Variants in RPL19 observed in about 807,000 individuals in gnomAD.
RPL19 encodes the protein large ribosomal subunit protein eL19.
In RPL19, 2 loss-of-function variants were observed where a neutral mutation model predicts 25.1. That is an observed-to-expected ratio of 0.08 (90% CI 0.03 to 0.25). RPL19 has a LOEUF of 0.25. Among genes scored for constraint, RPL19 ranks in the 10% least tolerant of loss-of-function variants. The pLI is 1.00. For missense variants in RPL19, 123 were observed against 271.8 expected (o/e 0.45, Z 3.85); for synonymous variants, 89 against 91.2 (o/e 0.98, Z 0.14).
Position 39,201,207 on chromosome 17 carries a change from G to T in RPL19, c.6-6G>T, listed in dbSNP as rs1567821295. 6.3e-7 allele frequency: 1 copy of T among 1,596,034 alleles called. No homozygotes were observed. The highest frequency in any genetic ancestry group is 2.2e-5 in the East Asian group (1 of 44,794). ...CAGAGTCTAATCATGTTTTCTGTGT[G>T]TCTAGTATGCTCAGGCTTCAGAAGA... On this transcript the variant is annotated splice_polypyrimidine_tract_variant and splice_region_variant and intron_variant, in intron 1 of 5. Transcript: ENST00000225430.
chr17:39,203,154 G>A (rs1362506093), intron 4 of RPL19, 45 bp downstream of exon 4: 1 of 1,332,072 alleles, frequency 7.5e-7, no homozygotes, highest in South Asian at 1.3e-5. Flanking sequence ...CTGCTTTGAT[G>A]GCTAGTTCAT....
chr17:39,200,902 C>T (rs551341901), intron 1 of RPL19, among the ~76,000 whole-genome samples: 1 of 152,196 alleles, frequency 6.6e-6, no homozygotes, highest in East Asian at 1.9e-4. Flanking sequence ...CAGGTCTACT[C>T]ACCTCGAATA....
chr17:39,204,444 G>T, intron 5 of RPL19, 81 bp from the exon 6 acceptor site: 1 of 1,535,248 alleles, frequency 6.5e-7, no homozygotes, highest in East Asian at 2.3e-5. Context: ...GGCTCAAAGG[G>T]AGAGGTCTGG....
chr17:39,202,658 A>G (rs1245033424), intron 3 of RPL19: 1 of 617,114 alleles, frequency 1.6e-6, no homozygotes, highest in Non-Finnish European at 2.8e-6. Context: ...TACCTACACT[A>G]TGCCAAGGAT....
At position 39,200,359 on chromosome 17, in the gene RPL19, A is replaced by T; in HGVS notation, c.5+10A>T. 6.4e-7 allele frequency: 1 copy of T among 1,566,930 alleles called. No individual in the cohort carries two copies. The highest frequency in any genetic ancestry group is 8.6e-7 in the Non-Finnish European group (1 of 1,158,600). ...CGGCCGCAGCCATGAGGTGAGGGCG[A>T]GCTGGTCTCCATCAGGCGCTGACGC... On this transcript the variant is annotated intron_variant, in intron 1 of 5. Transcript: ENST00000225430.
intron 4 of RPL19, among the ~76,000 whole-genome samples, chr17:39,203,466 C>A (rs2046304440): frequency 6.6e-6 from 1 of 150,990 alleles, no homozygotes; most frequent in African/African-American, 2.4e-5. Flanking sequence ...TAGGCATGAG[C>A]CACCACGCGT....
rs1047778989 is a variant in RPL19, at chr17:39,200,659, C to T, written c.5+310C>T. The stretch of plus-strand genomic sequence containing the variant: ...AAGCCGTGGGCCCTTTCTTGCTTGG[C>T]ACACCCGGAGCGGAGCCGATCTCTG... On this transcript the variant is annotated intron_variant, in intron 1 of 5. Coordinates refer to ENST00000225430, the MANE Select transcript of RPL19 (RefSeq NM_000981.4). 3.5e-5 allele frequency: 40 copies of T among 1,149,328 alleles called. No homozygotes were observed. The African/African-American group carries it at 4.2e-4, about 12-fold the overall frequency. The allele number at this position is 1,149,328 out of a possible 1,614,324, so 71.2% of individuals were successfully genotyped here.
chr17:39,204,662 G>T lies in RPL19; in HGVS notation c.*14G>T, dbSNP rs1386521686. 21 of 1,612,720 alleles carry T rather than the reference G, an allele frequency of 1.3e-5. No homozygotes were observed. The highest frequency in any genetic ancestry group is 1.6e-5 in the Non-Finnish European group (19 of 1,179,268). ...ACCAAGAAATAAAACCTCCCACTTT[G>T]TCTGTACATACTGGCCTCTGTGATT... On this transcript the variant is annotated 3_prime_UTR_variant, in exon 6 of 6. Coordinates refer to ENST00000225430, the MANE Select transcript of RPL19 (RefSeq NM_000981.4).
chr17:39,204,310 G>T (rs2046309986), intron 5 of RPL19, 123 bp downstream of exon 5: 1 of 829,162 alleles, frequency 1.2e-6, no homozygotes, highest in Non-Finnish European at 2.0e-6. Context: ...GAATACAGCT[G>T]TTCCCTTAGA....
chr17:39,200,478 G>A lies in RPL19; in HGVS notation c.5+129G>A, dbSNP rs34196169. 9,434 of 1,328,810 alleles carry A rather than the reference G, an allele frequency of 7.1e-3. 555 individuals carry two copies. In the African/African-American group the frequency reaches 0.13, roughly 18 times the overall value. The allele number at this position is 1,328,810 out of a possible 1,614,324, so 82.3% of individuals were successfully genotyped here. A position where few individuals can be genotyped will look rare whatever the true frequency, so the allele number is the denominator to read the frequency against. On this transcript the variant is annotated intron_variant, in intron 1 of 5. Coordinates refer to ENST00000225430, the MANE Select transcript of RPL19 (RefSeq NM_000981.4). ...TAAAGCGGCCGGTCCCGGGGTTTGG[G>A]GTAGGCCGGAGCACTTTCGTCCCGG...
intron 4 of RPL19, 151 bp downstream of exon 4, chr17:39,203,260 C>A (rs1452951231): frequency 1.3e-6 from 1 of 753,692 alleles, no homozygotes; most frequent in Non-Finnish European, 2.1e-6. Flanking sequence ...CAGCTCACTA[C>A]AACCTCTACC....
intron 3 of RPL19, chr17:39,202,715 G>A (rs1387261254): frequency 2.2e-5 from 13 of 589,212 alleles, no homozygotes; most frequent in South Asian, 4.2e-5. Flanking sequence ...TCCTTACAAC[G>A]TGCTGTGTTG....
intron 3 of RPL19, 55 bp from the exon 4 acceptor site, chr17:39,202,934 A>G: frequency 1.9e-6 from 3 of 1,602,296 alleles, no homozygotes; most frequent in South Asian, 1.1e-5. Context: ...CACTTGGTGT[A>G]CTTATACACA....
chr17:39,204,312 TC>T, intron 5 of RPL19, 125 bp downstream of exon 5: 1 of 820,150 alleles, frequency 1.2e-6, no homozygotes, highest in South Asian at 1.5e-5. Flanking sequence ...ATACAGCTGT[TC>T]CCTTAGAGGC....
chr17:39,202,569 C>A, intron 3 of RPL19, 130 bp downstream of exon 3: 1 of 1,200,928 alleles, frequency 8.3e-7, no homozygotes, highest in Non-Finnish European at 1.2e-6. Flanking sequence ...GTGTTTTCTG[C>A]CTGTGTGCAA....
intron 3 of RPL19, chr17:39,202,704 C>T (rs1426387501): frequency 1.7e-6 from 1 of 592,846 alleles, no homozygotes; most frequent in African/African-American, 1.9e-5. Context: ...TCGAAGGAAG[C>T]TCCTTACAAC....
At chr17:39,201,483 C>T (rs567346671) in intron 2 of RPL19, among the ~76,000 whole-genome samples, 164 bp downstream of exon 2, 1 of 151,830 alleles carries the variant, frequency 6.6e-6, no homozygotes, top group East Asian at 1.9e-4. Flanking sequence ...AACCCCTGCT[C>T]CCAGGCTCAA....
chr17:39,204,478 A>T, intron 5 of RPL19, 47 bp from the exon 6 acceptor site: 1 of 1,610,064 alleles, frequency 6.2e-7, no homozygotes, highest in East Asian at 2.2e-5. Context: ...TCTCCCTAGC[A>T]TCTCATCTCT....
At chr17:39,203,847 T>C (rs534726515) in intron 4 of RPL19, among the ~76,000 whole-genome samples, 5 of 152,332 alleles carry the variant, frequency 3.3e-5, no homozygotes, top group African/African-American at 9.6e-5. Context: ...TCTATTCTGG[T>C]CTTTCTTTTT....
Sources: allele counts gnomAD v4.1 joint callset (sites outside exome capture counted in the v4.1 genomes callset), GRCh38; gene constraint gnomAD v4.1.1; transcripts MANE v1.5; gene names NCBI Gene and HGNC (gene_info 2026-07-23, HGNC 2026-07-21).